The following ASB8 variants were observed in gnomAD, a reference collection of about 807,000 sequenced individuals.
ASB8 encodes ankyrin repeat and SOCS box protein 8.
ASB8 carries 15 observed loss-of-function variants against 22.9 expected under a neutral mutation model. The observed-to-expected ratio is 0.66, with a 90% CI of 0.44 to 1.01. ASB8 has a LOEUF of 1.01. Ranked by LOEUF, ASB8 falls within the 50% of genes least tolerant of loss-of-function variation. ASB8 has a pLI of 0.00. For missense variants in ASB8, 294 were observed against 356.9 expected (o/e 0.82, Z 1.42); for synonymous variants, 124 against 140.8 (o/e 0.88, Z 0.84).
intron 3 of ASB8, 89 bp from the exon 4 acceptor site, chr12:48,150,087 C>T: frequency 7.0e-7 from 1 of 1,419,890 alleles, no homozygotes; most frequent in Non-Finnish European, 9.9e-7. Context: ...TACCCACTAC[C>T]TTTGCTATGC....
chr12:48,154,890 G>A (rs889216144), intron 1 of ASB8, among the ~76,000 whole-genome samples: 2 of 152,154 alleles, frequency 1.3e-5, no homozygotes, highest in African/African-American at 4.8e-5. Flanking sequence ...GCAGTGAGCT[G>A]AGGCTGCACT....
intron 2 of ASB8, 104 bp from the exon 3 acceptor site, chr12:48,151,409 A>C: frequency 9.8e-7 from 1 of 1,022,096 alleles, no homozygotes; most frequent in Non-Finnish European, 1.4e-6. Flanking sequence ...AACTCTCACT[A>C]TTTTATAGAT....
intron 1 of ASB8, among the ~76,000 whole-genome samples, chr12:48,156,960 C>T (rs1425542763): frequency 7.6e-6 from 1 of 131,296 alleles, no homozygotes; most frequent in African/African-American, 2.9e-5. Context: ...CCAGAGAAAA[C>T]ACCAAAGGGC....
Position 48,157,451 on chromosome 12 carries a change from G to T in ASB8, c.-34+8C>A, listed in dbSNP as rs532477451. 3 of 152,368 alleles carry T rather than the reference G, an allele frequency of 2.0e-5. No homozygotes were observed. The highest frequency in any genetic ancestry group is 4.1e-4 in the South Asian group (2 of 4,828). The allele number at this position is 152,368 out of a possible 1,614,324, so 9.4% of individuals were successfully genotyped here. On this transcript the variant is annotated splice_region_variant and intron_variant, in intron 1 of 3. Transcript: ENST00000317697. ...TGGCTGTAGACCCACTCCAAGGACC[G>T]CACTCACCGAATTGCTGGGCTGAGG... is the stretch of plus-strand genomic sequence containing the variant.
chr12:48,151,634 A>C, intron 2 of ASB8: 2 of 1,385,980 alleles, frequency 1.4e-6, no homozygotes, highest in Non-Finnish European at 1.9e-6. Context: ...GGAAAGCTGG[A>C]CCAGCAATCC....
At chr12:48,155,479 T>C (rs1173285291) in intron 1 of ASB8, among the ~76,000 whole-genome samples, 1 of 152,096 alleles carries the variant, frequency 6.6e-6, no homozygotes, top group African/African-American at 2.4e-5. Context: ...CCCAGCACTT[T>C]GGGAGGCCGA....
intron 2 of ASB8, 121 bp from the exon 3 acceptor site, chr12:48,151,426 C>G: frequency 1.0e-6 from 1 of 957,594 alleles, no homozygotes; most frequent in Non-Finnish European, 1.5e-6. Flanking sequence ...AGATACAGTG[C>G]TAGTTCCTGT....
In ASB8 at chr12:48,149,355, ATCT is replaced by A. The variant is rs753436252; in HGVS notation, c.*8_*10del. On this transcript the variant is annotated 3_prime_UTR_variant, in exon 4 of 4. Coordinates refer to ENST00000317697, the MANE Select transcript of ASB8 (RefSeq NM_024095.5). The stretch of plus-strand genomic sequence containing the variant: ...GAGCTGCCTGCACGATGGTGCAAAC[ATCT>A]TCTCCGGCTATTCTAAAAGTAACAG... 6.8e-6 allele frequency: 11 copies of A among 1,610,358 alleles called. No individual in the cohort carries two copies. The highest frequency in any genetic ancestry group is 2.2e-5 in the East Asian group (1 of 44,838).
At position 48,149,779 on chromosome 12, in the gene ASB8, C is replaced by T. The variant is rs1278048873; in HGVS notation, c.454G>A (p.Asp152Asn). The T allele has an allele frequency of 4.0e-5, 64 of 1,614,038 alleles. No homozygotes were observed. Among genetic ancestry groups the T allele is most frequent in the Non-Finnish European group, 8.5e-7 (1 of 1,180,028 alleles). ...ASVNALDYNN[D>N]TPLSWAAMKG... ...ATGGCAGCCCAGCTGAGCGGTGTAT[C>T]ATTGTTGTAATCCAGGGCATTGACA... Residue 152 changes from aspartate to asparagine, a missense_variant, in exon 4 of 4, where the codon GAT becomes AAT. Asp to Asn is a conservative substitution (Grantham distance 23, BLOSUM62 1). Coordinates refer to ENST00000317697, the MANE Select transcript of ASB8 (RefSeq NM_024095.5).
chr12:48,149,707 C>T lies in ASB8; in HGVS notation c.526G>A (p.Glu176Lys). The change falls in exon 4 of 4, where the codon GAG becomes AAG. Residue 176 changes from glutamate (E) to lysine (K), a missense_variant. By Grantham distance (56) the Glu-to-Lys change is moderately conservative. Coordinates refer to ENST00000317697, the MANE Select transcript of ASB8 (RefSeq NM_024095.5). ...SVSILLDYGA[E>K]VRVINLIGQT... is the part of the protein sequence containing the mutation. Reference sequence around the variant, plus strand: ...CCTATTAGGTTGATGACTCTGACCTCTGCGCCATAATCCAGAAGGATGCTG... The same window carrying T: ...CCTATTAGGTTGATGACTCTGACCTTTGCGCCATAATCCAGAAGGATGCTG... 6.2e-7 allele frequency: 1 copy of T among 1,614,168 alleles called. No homozygotes were observed. Among genetic ancestry groups the T allele is most frequent in the African/African-American group, 1.3e-5 (1 of 75,060 alleles).
chr12:48,153,443 G>A lies in ASB8; in HGVS notation c.54C>T (p.Leu18=). ...IMQSIQSKYS[L]SERLIRTIAA... is the part of the protein sequence containing the mutation. Reference sequence around the variant, plus strand: ...CAATTGTTCGGATTAAGCGCTCGGAGAGAGAGTATTTGCTCTGAATGCTCT... The same window carrying A: ...CAATTGTTCGGATTAAGCGCTCGGAAAGAGAGTATTTGCTCTGAATGCTCT... Residue 18 remains leucine, a synonymous_variant, in exon 2 of 4, where the codon CTC becomes CTT. Coordinates refer to ENST00000317697, the MANE Select transcript of ASB8 (RefSeq NM_024095.5). 1 of 1,613,674 alleles carries A rather than the reference G, an allele frequency of 6.2e-7. No homozygotes were observed. The highest frequency in any genetic ancestry group is 2.2e-5 in the East Asian group (1 of 44,874).
chr12:48,152,855 A>G (rs1453723925), intron 2 of ASB8: 2 of 152,002 alleles, frequency 1.3e-5, no homozygotes, highest in African/African-American at 4.8e-5. Flanking sequence ...AAAAAAAATT[A>G]GCTGGACATG....
At chr12:48,151,407 C>T (rs1951201241) in intron 2 of ASB8, 102 bp from the exon 3 acceptor site, 2 of 1,038,392 alleles carry the variant, frequency 1.9e-6, no homozygotes, top group African/African-American at 3.2e-5. Flanking sequence ...CTAACTCTCA[C>T]TATTTTATAG....
intron 3 of ASB8, among the ~76,000 whole-genome samples, chr12:48,150,567 A>G (rs1197655506): frequency 6.6e-6 from 1 of 152,264 alleles, no homozygotes; most frequent in Non-Finnish European, 1.5e-5. Flanking sequence ...AAATGAAAGC[A>G]TGTGATAGGA....
chr12:48,155,463 TG>T (rs1324537607), intron 1 of ASB8, among the ~76,000 whole-genome samples: 2 of 152,152 alleles, frequency 1.3e-5, no homozygotes, highest in African/African-American at 4.8e-5. Context: ...GGCTCACGCC[TG>T]TAATCCCAGC....
At chr12:48,153,275 C>T (rs1307700097) in intron 2 of ASB8, 93 bp downstream of exon 2, 4 of 1,487,306 alleles carry the variant, frequency 2.7e-6, no homozygotes, top group Non-Finnish European at 3.7e-6. Context: ...TCCCTGTGAT[C>T]TTGGGTTGAG....
At chr12:48,150,382 C>T (rs1022409274) in intron 3 of ASB8, among the ~76,000 whole-genome samples, 48 of 152,354 alleles carry the variant, frequency 3.2e-4, no homozygotes, top group African/African-American at 1.2e-3. Context: ...CTTGACTATA[C>T]AGAGTTTTGG....
rs371014856 is a variant in ASB8 at position 48,154,802 on chromosome 12, A to C, written c.-33-1273T>G. Among the ~76,000 whole-genome samples, 10 of 151,894 alleles carry C rather than the reference A, an allele frequency of 6.6e-5. No individual in the cohort carries two copies. The East Asian group carries it at 1.4e-3, about 21-fold the overall frequency. On this transcript the variant is annotated intron_variant, in intron 1 of 3. Transcript: ENST00000317697. ...AAAATACAAAAAAAATTAGCTGGGCATGGTGGCGCACGCCTGTAATTCCAG... is the reference window on the plus strand; with the variant it reads ...AAAATACAAAAAAAATTAGCTGGGCCTGGTGGCGCACGCCTGTAATTCCAG...
At chr12:48,156,986 G>GAAAAAAAAAAAAA (rs745913404) in intron 1 of ASB8, 1 of 77,366 alleles carries the variant, frequency 1.3e-5, no homozygotes, top group African/African-American at 4.7e-5. Flanking sequence ...CTGAGAAGCT[G>GAAAAAAAAAAAAA]AAAAAAAAAA....
Sources: gnomAD v4.1 joint callset for allele counts (sites outside exome capture counted in the v4.1 genomes callset) on GRCh38, gnomAD v4.1.1 for gene constraint, MANE v1.5 for transcripts, NCBI Gene and HGNC (gene_info 2026-07-23, HGNC 2026-07-21) for gene names.